NDRG1: variants seen among roughly 807,000 people sequenced by gnomAD.
NDRG1 encodes N-myc downstream regulated 1, also known as protein NDRG1.
Under a neutral mutation model 56.9 loss-of-function variants are expected in NDRG1, and 32 were observed. That is an observed-to-expected ratio of 0.56 (90% CI 0.42 to 0.76). The LOEUF is 0.76. NDRG1 is among the 30% of genes least tolerant of loss of function. The pLI is 0.00. For missense variants in NDRG1, 507 were observed against 545.7 expected, an observed-to-expected ratio of 0.93 and a Z score of 0.71; for synonymous variants, 211 against 204.1, an observed-to-expected ratio of 1.03 and a Z score of -0.29.
chr8:133,259,972 TG>T (rs1010839971), intron 5 of NDRG1, among the ~76,000 whole-genome samples: 11 of 152,074 alleles, frequency 7.2e-5, no homozygotes, highest in African/African-American at 2.7e-4. Context: ...GCGGACGCCC[TG>T]GGAAGAGCCA....
chr8:133,245,882 A>G (rs943474980), intron 13 of NDRG1, among the ~76,000 whole-genome samples: 1 of 152,216 alleles, frequency 6.6e-6, no homozygotes, highest in African/African-American at 2.4e-5. Flanking sequence ...CTCCCACTCA[A>G]TAAGTATCGG....
At chr8:133,246,162 G>T (rs1053389538) in intron 13 of NDRG1, among the ~76,000 whole-genome samples, 27 of 152,262 alleles carry the variant, frequency 1.8e-4, no homozygotes, top group Admixed American at 1.1e-3. Context: ...AACTGGCAAA[G>T]GACTGGCGGA....
At chr8:133,251,140 G>A (rs546015546) in intron 9 of NDRG1, among the ~76,000 whole-genome samples, 11 of 152,286 alleles carry the variant, frequency 7.2e-5, no homozygotes, top group African/African-American at 2.2e-4. Flanking sequence ...CTCCCACCAC[G>A]GCCAACCAGA....
At chr8:133,273,676 C>G (rs1390836127) in intron 3 of NDRG1, among the ~76,000 whole-genome samples, 3 of 152,202 alleles carry the variant, frequency 2.0e-5, no homozygotes, top group Non-Finnish European at 4.4e-5. Context: ...CTACAGTACC[C>G]TTTGGCAAGT....
At chr8:133,247,706 G>C (rs1428654600) in intron 12 of NDRG1, among the ~76,000 whole-genome samples, 169 bp downstream of exon 12, 5 of 152,244 alleles carry the variant, frequency 3.3e-5, no homozygotes, top group East Asian at 1.9e-4. Flanking sequence ...ACCAGGGAAA[G>C]AGACTGAGTG....
intron 1 of NDRG1, chr8:133,284,940 T>C (rs1376176786): frequency 1.1e-5 from 5 of 438,502 alleles, no homozygotes; most frequent in Non-Finnish European, 1.9e-5. Flanking sequence ...GTCAAGGAGT[T>C]TGGCAGGCAT....
intron 8 of NDRG1, chr8:133,255,923 T>C (rs1856346224): frequency 6.5e-6 from 1 of 153,992 alleles, no homozygotes; most frequent in Non-Finnish European, 1.4e-5. Context: ...ACCACAATGA[T>C]AATTTTTAAA....
intron 7 of NDRG1, among the ~76,000 whole-genome samples, chr8:133,257,594 AC>A (rs1239700704): frequency 6.6e-6 from 1 of 152,238 alleles, no homozygotes; most frequent in African/African-American, 2.4e-5. Context: ...TAAAAATGGT[AC>A]AGTAAAAATG....
At position 133,237,554 on chromosome 8, in the gene NDRG1, A is replaced by G; in HGVS notation, c.*1324T>C. On this transcript the variant is annotated 3_prime_UTR_variant, in exon 16 of 16. Transcript: ENST00000323851. The stretch of plus-strand genomic sequence containing the variant: ...CCTGGCAGCCGCACTGGCCGCCCAG[A>G]AACGTCAGTGGTGCTGCCCCATTCG... The G allele has an allele frequency of 4.3e-6, 1 of 233,290 alleles. No individual in the cohort carries two copies. The highest frequency in any genetic ancestry group is 8.5e-6 in the Non-Finnish European group (1 of 118,054). The allele number at this position is 233,290 out of a possible 1,614,324, so 14.5% of individuals were successfully genotyped here.
In NDRG1 at chr8:133,266,431, C is replaced by T. The variant is rs7820760; in HGVS notation, c.100-1779G>A. ...AGGAAGGTCAGCGTTCACAAACTCA[C>T]GCTTGAGAAGAAGGGATGGGACAGA... is the stretch of plus-strand genomic sequence containing the variant. On this transcript the variant is annotated intron_variant, in intron 3 of 15. Coordinates refer to ENST00000323851, the MANE Select transcript of NDRG1 (RefSeq NM_006096.4). Among the ~76,000 whole-genome samples, 549 of 152,340 alleles carry T rather than the reference C, an allele frequency of 3.6e-3. 5 individuals carry two copies. Among genetic ancestry groups the T allele is most frequent in the African/African-American group, 0.012 (510 of 41,578 alleles).
chr8:133,274,237 C>G (rs548665566), intron 3 of NDRG1, among the ~76,000 whole-genome samples: 3 of 152,342 alleles, frequency 2.0e-5, no homozygotes. Context: ...CAGAGACAGG[C>G]CACCCAGCAG....
intron 3 of NDRG1, among the ~76,000 whole-genome samples, chr8:133,265,742 C>G (rs1563629366): frequency 6.6e-6 from 1 of 152,180 alleles, no homozygotes; most frequent in Non-Finnish European, 1.5e-5. Context: ...CACCCCAGCT[C>G]ACTCATGGAC....
chr8:133,290,318 C>T (rs1032069252), intron 1 of NDRG1, among the ~76,000 whole-genome samples: 4 of 152,176 alleles, frequency 2.6e-5, no homozygotes, highest in Admixed American at 1.3e-4. Context: ...TAACCCTACA[C>T]AGACACACCA....
At chr8:133,280,206 G>T in intron 3 of NDRG1, 26 bp downstream of exon 3, 1 of 1,613,526 alleles carries the variant, frequency 6.2e-7, no homozygotes, top group South Asian at 1.1e-5. Flanking sequence ...TGAGGAAGGG[G>T]AAGGAAAGCC....
At chr8:133,254,621 G>A (rs1344260382) in intron 8 of NDRG1, 26 bp from the exon 9 acceptor site, 2 of 1,611,540 alleles carry the variant, frequency 1.2e-6, no homozygotes, top group Admixed American at 1.7e-5. Context: ...GTGGGTGGAT[G>A]AGAAACCAGG....
intron 1 of NDRG1, among the ~76,000 whole-genome samples, chr8:133,286,394 G>A (rs79222104): frequency 1.3e-5 from 2 of 152,190 alleles, no homozygotes; most frequent in East Asian, 3.9e-4. Context: ...AGGACATAGT[G>A]TCTGTCAGTC....
At position 133,250,672 on chromosome 8, in the gene NDRG1, C is replaced by T. The variant is rs36076004; in HGVS notation, c.595-129G>A. The T allele has an allele frequency of 0.11, 89,619 of 801,692 alleles. 6,402 individuals are homozygous for T. The highest frequency in any genetic ancestry group is 0.15 in the Middle Eastern group (426 of 2,862). 49.7% of individuals were successfully genotyped at this position (801,692 alleles called of 1,614,324 possible). ...TAATGCCTAATCCACAAGACAGCGACGGACCTAAAAAAAAAACCTTTGGGA... is the reference window on the plus strand; with the variant it reads ...TAATGCCTAATCCACAAGACAGCGATGGACCTAAAAAAAAAACCTTTGGGA... On this transcript the variant is annotated intron_variant, in intron 9 of 15. Coordinates refer to ENST00000323851, the MANE Select transcript of NDRG1 (RefSeq NM_006096.4).
chr8:133,239,205 T>C (rs1855246074), intron 15 of NDRG1, 86 bp from the exon 16 acceptor site: 1 of 1,537,194 alleles, frequency 6.5e-7, no homozygotes, highest in Non-Finnish European at 8.8e-7. Flanking sequence ...CACATGCTCT[T>C]CTACGTGCCA....
At position 133,277,366 on chromosome 8, in the gene NDRG1, C is replaced by T. The variant is rs889635106; in HGVS notation, c.99+2866G>A. ...ATCACTTGAAGTCAGGAGTTCGAGA[C>T]CAGACTGGCCAACATGGAAAAACCC... On this transcript the variant is annotated intron_variant, in intron 3 of 15. Transcript: ENST00000323851. 5.9e-5 allele frequency among the ~76,000 whole-genome samples: 9 copies of T among 152,212 alleles called. 1 individual carries two copies. Among genetic ancestry groups the T allele is most frequent in the Middle Eastern group, 6.8e-3 (2 of 294 alleles).
Sources: gnomAD v4.1 joint callset for allele counts (sites outside exome capture counted in the v4.1 genomes callset) on GRCh38, gnomAD v4.1.1 for gene constraint, MANE v1.5 for transcripts, NCBI Gene and HGNC (gene_info 2026-07-23, HGNC 2026-07-21) for gene names.